Variants in EXOC6 observed in about 807,000 individuals in gnomAD.
EXOC6 encodes the protein SEC15-like 1.
EXOC6 carries 60 observed loss-of-function variants against 112.5 expected under a neutral mutation model. The observed-to-expected ratio is 0.53, with a 90% confidence interval of 0.43 to 0.66. The LOEUF (loss-of-function observed/expected upper bound fraction) is 0.66. Ranked by LOEUF, EXOC6 falls within the 30% of genes least tolerant of loss-of-function variation. EXOC6 has a pLI of 0.00. For synonymous variants in EXOC6, 295 were observed against 308.0 expected (o/e 0.96, Z 0.44); for missense variants, 855 against 957.1 (o/e 0.89, Z 1.41).
At chr10:92,901,699 A>G (rs1483709617) in intron 5 of EXOC6, 2 of 146,944 alleles carry the variant, frequency 1.4e-5, no homozygotes, top group Non-Finnish European at 3.0e-5. Context: ...AATGGTATTT[A>G]GAAACTAAGA....
chr10:92,845,163 C>T (rs143797330), upstream of EXOC6, among the ~76,000 whole-genome samples: 1,884 of 152,312 alleles, frequency 0.012, 17 homozygotes, highest in Middle Eastern at 0.034. Context: ...CTCTGGAAGT[C>T]AATATCCACT....
Position 92,848,613 on chromosome 10 carries a change from C to A in EXOC6, c.80C>A (p.Ala27Asp). 1 of 1,447,420 alleles carries A rather than the reference C, an allele frequency of 6.9e-7. No individual in the cohort carries two copies. Among genetic ancestry groups the A allele is most frequent in the Non-Finnish European group, 9.2e-7 (1 of 1,083,322 alleles). 89.7% of individuals were successfully genotyped at this position (1,447,420 alleles called of 1,614,324 possible). ...CAGGAGATCGAGAGCACCGACACCGCCTGTGTGGGGCCCACCCTCCGGTAA... is the reference window on the plus strand; with the variant it reads ...CAGGAGATCGAGAGCACCGACACCGACTGTGTGGGGCCCACCCTCCGGTAA... ...ILQEIESTDT[A>D]CVGPTLRSVY... Residue 27 changes from alanine (A) to aspartate (D), a missense_variant, in exon 1 of 22, where the codon GCC (alanine) becomes GAC (aspartate). Physicochemically the swap from Ala to Asp is moderately radical, Grantham distance 126 (BLOSUM62 -2). Transcript: ENST00000260762.
chr10:92,907,124 A>C (rs1430804790), intron 5 of EXOC6, among the ~76,000 whole-genome samples: 3 of 152,182 alleles, frequency 2.0e-5, no homozygotes, highest in Non-Finnish European at 4.4e-5. Flanking sequence ...GGTAAAAATC[A>C]TGTATTTTAC....
chr10:92,976,634 C>A (rs758496833), intron 18 of EXOC6, among the ~76,000 whole-genome samples: 1 of 144,546 alleles, frequency 6.9e-6, no homozygotes, highest in African/African-American at 2.6e-5. Context: ...TCCCCCTCTG[C>A]GAGAAACACC....
chr10:92,970,849 G>C (rs977154197), intron 17 of EXOC6, among the ~76,000 whole-genome samples: 1 of 152,244 alleles, frequency 6.6e-6, no homozygotes, highest in Non-Finnish European at 1.5e-5. Flanking sequence ...TAAGTGGTTA[G>C]TGTGAAAATT....
intron 9 of EXOC6, 128 bp downstream of exon 9, chr10:92,928,550 A>T (rs537165188): frequency 3.4e-6 from 2 of 583,872 alleles, no homozygotes. Context: ...ACCATTTCCA[A>T]ACATTGGTTT....
chr10:92,981,593 CTT>C, intron 18 of EXOC6, among the ~76,000 whole-genome samples: 1 of 152,112 alleles, frequency 6.6e-6, no homozygotes. Flanking sequence ...GTTCATTTTT[CTT>C]CCTTTCTAGA....
chr10:92,925,942 A>G (rs559043847), intron 8 of EXOC6, among the ~76,000 whole-genome samples: 1 of 152,168 alleles, frequency 6.6e-6, no homozygotes, highest in South Asian at 2.1e-4. Flanking sequence ...TTTTGAAGTG[A>G]AACTTGGAGT....
chr10:92,864,339 T>G (rs538786224), intron 1 of EXOC6, among the ~76,000 whole-genome samples: 1 of 152,246 alleles, frequency 6.6e-6, no homozygotes, highest in South Asian at 2.1e-4. Context: ...CCAAGGCAGA[T>G]ATACATCATT....
chr10:92,899,522 C>G lies in EXOC6; in HGVS notation c.413-77C>G, dbSNP rs137934553. ...CTAATGAATTTGTAATATACTCTTT[C>G]CTGCTTTGATTATTTTCATGTCTCA... On this transcript the variant is annotated intron_variant, in intron 4 of 21. Coordinates refer to ENST00000260762, the MANE Select transcript of EXOC6 (RefSeq NM_019053.6). The G allele has an allele frequency of 3.8e-5, 39 of 1,024,374 alleles. No individual in the cohort carries two copies. In the African/African-American group the frequency reaches 5.2e-4, roughly 14 times the overall value. 63.5% of individuals were successfully genotyped at this position (1,024,374 alleles called of 1,614,324 possible).
At chr10:92,835,213 A>C (rs1466429781) in intron 1 of EXOC6, among the ~76,000 whole-genome samples, 1 of 152,248 alleles carries the variant, frequency 6.6e-6, no homozygotes, top group Non-Finnish European at 1.5e-5. Flanking sequence ...ATAGGAAAAA[A>C]TGTAGACCAT....
chr10:92,976,670 T>A (rs1168517854), intron 18 of EXOC6, among the ~76,000 whole-genome samples: 51 of 138,972 alleles, frequency 3.7e-4, no homozygotes, highest in East Asian at 1.2e-3. Context: ...AAAAAAAAAA[T>A]AATAAATTAA....
In EXOC6 at chr10:92,838,229, C is replaced by T. The variant is rs1176972348; in HGVS notation, c.86+3405C>T. ...GAAAACAAGTCTCCTCTGTCTCAGACGTCATGAGTGGGTTGTGGCGACCAA... is the reference window on the plus strand; with the variant it reads ...GAAAACAAGTCTCCTCTGTCTCAGATGTCATGAGTGGGTTGTGGCGACCAA... On this transcript the variant is annotated intron_variant, in intron 1 of 21. Transcript: ENST00000371552. Among the ~76,000 whole-genome samples, 5 of 152,212 alleles carry T rather than the reference C, an allele frequency of 3.3e-5. No homozygotes were observed. In the East Asian group the frequency reaches 5.8e-4, roughly 18 times the overall value.
intron 9 of EXOC6, among the ~76,000 whole-genome samples, chr10:92,933,644 G>A (rs1852182973): frequency 6.6e-6 from 1 of 152,082 alleles, no homozygotes; most frequent in African/African-American, 2.4e-5. Flanking sequence ...ATGAATGAAA[G>A]TCAAATGATC....
chr10:93,017,542 A>G (rs113279169), intron 20 of EXOC6, among the ~76,000 whole-genome samples: 2,288 of 152,046 alleles, frequency 0.015, 51 homozygotes, highest in African/African-American at 0.052. Flanking sequence ...GTGAGCCAAG[A>G]TCATGCCATT....
chr10:93,023,592 A>AT (rs1416558705), intron 20 of EXOC6, among the ~76,000 whole-genome samples: 4 of 151,924 alleles, frequency 2.6e-5, no homozygotes, highest in Non-Finnish European at 4.4e-5. Context: ...GTTCGTGTAA[A>AT]TTTTTTTTAC....
chr10:92,884,457 A>G (rs542446626), intron 1 of EXOC6, among the ~76,000 whole-genome samples: 45 of 152,316 alleles, frequency 3.0e-4, no homozygotes, highest in Middle Eastern at 6.8e-3. Flanking sequence ...CAAATTATAC[A>G]CTATGCAGAT....
chr10:92,975,288 C>T (rs1020881811), intron 18 of EXOC6, among the ~76,000 whole-genome samples: 8 of 151,538 alleles, frequency 5.3e-5, no homozygotes, highest in South Asian at 4.2e-4. Flanking sequence ...AGCGTCTCTG[C>T]TCGGCCGCCC....
At chr10:92,829,598 G>A (rs1846440914) in intron 1 of EXOC6, among the ~76,000 whole-genome samples, 1 of 152,210 alleles carries the variant, frequency 6.6e-6, no homozygotes, top group Non-Finnish European at 1.5e-5. Context: ...GGGGGCACCT[G>A]TGCCAATGAA....
Sources: gnomAD v4.1 joint callset for allele counts (sites outside exome capture counted in the v4.1 genomes callset) on GRCh38, gnomAD v4.1.1 for gene constraint, MANE v1.5 for transcripts, NCBI Gene and HGNC (gene_info 2026-07-23, HGNC 2026-07-21) for gene names.